The following LAPTM4B variants were observed in gnomAD, a reference collection of about 807,000 sequenced individuals.
LAPTM4B encodes lysosomal protein transmembrane 4 beta, also known as lysosomal-associated transmembrane protein 4B.
LAPTM4B carries 26 observed loss-of-function variants against 28.5 expected under a neutral mutation model. The observed-to-expected ratio is 0.91, with a 90% confidence interval of 0.67 to 1.27. LAPTM4B has a LOEUF of 1.27. LAPTM4B is among the 50% of genes most tolerant of loss of function. The pLI is 0.00. For synonymous variants in LAPTM4B, 109 were observed against 106.4 expected, an observed-to-expected ratio of 1.02 and a Z score of -0.15; for missense variants, 288 against 285.8, an observed-to-expected ratio of 1.01 and a Z score of -0.06.
chr8:97,805,133 G>A (rs973293057), intron 1 of LAPTM4B, among the ~76,000 whole-genome samples: 1 of 152,114 alleles, frequency 6.6e-6, no homozygotes, highest in Non-Finnish European at 1.5e-5. Flanking sequence ...TTCACTCCAA[G>A]CCTTGTGCAC....
intron 1 of LAPTM4B, among the ~76,000 whole-genome samples, chr8:97,786,518 A>G (rs1417327216): frequency 2.6e-5 from 4 of 151,998 alleles, no homozygotes; most frequent in Non-Finnish European, 4.4e-5. Flanking sequence ...CCTGACCAAC[A>G]TAGTGAAACT....
rs889681471 is a variant in LAPTM4B at position 97,840,853 on chromosome 8, C to T, written c.604-10544C>T. ...ATGGTGGGGCGGCCGGGCAGAGGCG[C>T]TCCTCACTTCCCAGACGGTGGGTAG... is the stretch of plus-strand genomic sequence containing the variant. On this transcript the variant is annotated intron_variant, in intron 6 of 6. Transcript: ENST00000521545. Among the ~76,000 whole-genome samples the T allele has an allele frequency of 8.9e-5, 13 of 146,706 alleles. No individual in the cohort carries two copies. In the East Asian group the frequency reaches 1.4e-3, roughly 16 times the overall value.
chr8:97,793,464 G>A (rs535441328), intron 1 of LAPTM4B, among the ~76,000 whole-genome samples: 1 of 152,206 alleles, frequency 6.6e-6, no homozygotes, highest in East Asian at 1.9e-4. Context: ...AATAAAAATT[G>A]TTCTTGGAAT....
rs1816205579 is a variant in LAPTM4B, at chr8:97,776,068, A to C, written c.59A>C (p.His20Pro). 1.3e-6 allele frequency: 2 copies of C among 1,589,094 alleles called. No homozygotes were observed. Among genetic ancestry groups the C allele is most frequent in the Non-Finnish European group, 1.7e-6 (2 of 1,171,896 alleles). Reference protein sequence around the residue: ...FYSNSCCLCCHVRTGTILLGV... With the variant: ...FYSNSCCLCCPVRTGTILLGV... ...TCCAACAGCTGCTGCTTGTGCTGCC[A>C]TGTCCGCACCGGCACCATCCTGCTC... is the stretch of plus-strand genomic sequence containing the variant. The change falls in exon 1 of 7, where the codon CAT becomes CCT. Residue 20 changes from histidine (H) to proline (P), a missense_variant. Coordinates refer to ENST00000521545, the MANE Select transcript of LAPTM4B (RefSeq NM_018407.6).
intron 2 of LAPTM4B, among the ~76,000 whole-genome samples, chr8:97,809,686 C>T (rs1816799278): frequency 6.6e-6 from 1 of 152,078 alleles, no homozygotes. Flanking sequence ...GGTGACAGAG[C>T]CAGACCCTGT....
intron 5 of LAPTM4B, among the ~76,000 whole-genome samples, chr8:97,823,307 T>G (rs1220105735): frequency 6.6e-6 from 1 of 151,940 alleles, no homozygotes; most frequent in Non-Finnish European, 1.5e-5. Context: ...ATGCCTATTC[T>G]GGGCATTCCA....
chr8:97,794,222 C>T (rs780052016), intron 1 of LAPTM4B, among the ~76,000 whole-genome samples: 5 of 152,100 alleles, frequency 3.3e-5, no homozygotes, highest in Non-Finnish European at 4.4e-5. Context: ...TCAGGTGAAC[C>T]GCCCGCCTTG....
At chr8:97,818,599 A>C (rs1268416379) in intron 4 of LAPTM4B, among the ~76,000 whole-genome samples, 2 of 152,198 alleles carry the variant, frequency 1.3e-5, no homozygotes, top group Non-Finnish European at 2.9e-5. Context: ...AGTATAAGAG[A>C]ATATGCTGTC....
intron 6 of LAPTM4B, among the ~76,000 whole-genome samples, chr8:97,843,185 G>A (rs775073474): frequency 6.6e-6 from 1 of 152,170 alleles, no homozygotes; most frequent in Non-Finnish European, 1.5e-5. Flanking sequence ...CCGCCCTTAC[G>A]TAATATCTGA....
Position 97,812,735 on chromosome 8 carries a change from A to C in LAPTM4B, c.212-2593A>C, listed in dbSNP as rs118176123. On this transcript the variant is annotated intron_variant, in intron 2 of 6. Transcript: ENST00000521545. Reference sequence around the variant, plus strand: ...TTTGGACTAGGACTACCACCAACCCAAGACAACCTCAGAGTGGGAGGCACC... The same window carrying C: ...TTTGGACTAGGACTACCACCAACCCCAGACAACCTCAGAGTGGGAGGCACC... Among the ~76,000 whole-genome samples the C allele has an allele frequency of 1.6e-4, 25 of 152,282 alleles. No homozygotes were observed. In the East Asian group the frequency reaches 4.8e-3, roughly 29 times the overall value.
intron 6 of LAPTM4B, among the ~76,000 whole-genome samples, chr8:97,843,489 A>C (rs1469581243): frequency 6.6e-6 from 1 of 152,110 alleles, no homozygotes; most frequent in Non-Finnish European, 1.5e-5. Flanking sequence ...TAAATAAATC[A>C]TTTGCTGGCC....
At position 97,825,701 on chromosome 8, in the gene LAPTM4B, A is replaced by T. The variant is rs1203264169; in HGVS notation, c.603+548A>T. Reference sequence around the variant, plus strand: ...CCTGTCATAAAAGATTTTTGAAAACATGTCTTCACTGGAAGAGTCCATGAA... The same window carrying T: ...CCTGTCATAAAAGATTTTTGAAAACTTGTCTTCACTGGAAGAGTCCATGAA... On this transcript the variant is annotated intron_variant, in intron 6 of 6. Coordinates refer to ENST00000521545, the MANE Select transcript of LAPTM4B (RefSeq NM_018407.6). Among the ~76,000 whole-genome samples, 8 of 152,356 alleles carry T rather than the reference A, an allele frequency of 5.3e-5. No individual in the cohort carries two copies. In the South Asian group the frequency reaches 1.7e-3, roughly 32 times the overall value.
At chr8:97,779,506 G>A (rs1207656121) in intron 1 of LAPTM4B, among the ~76,000 whole-genome samples, 1 of 151,766 alleles carries the variant, frequency 6.6e-6, no homozygotes, top group Non-Finnish European at 1.5e-5. Flanking sequence ...AAAAGAGAAA[G>A]AGGCCTGGTG....
intron 3 of LAPTM4B, 152 bp downstream of exon 3, chr8:97,815,553 A>G (rs1816898330): frequency 1.5e-6 from 1 of 648,020 alleles, no homozygotes; most frequent in South Asian, 2.2e-5. Context: ...TAGGAAAACC[A>G]ATATTATACT....
intron 5 of LAPTM4B, among the ~76,000 whole-genome samples, chr8:97,821,335 T>C (rs1161911891): frequency 1.4e-5 from 2 of 143,608 alleles, no homozygotes; most frequent in Non-Finnish European, 3.1e-5. Context: ...CAAAAAAAAA[T>C]AGTGAAATGT....
chr8:97,776,551 G>A (rs1000128328), intron 1 of LAPTM4B, among the ~76,000 whole-genome samples: 3 of 152,252 alleles, frequency 2.0e-5, no homozygotes, highest in African/African-American at 7.2e-5. Flanking sequence ...TTGCAGCTCT[G>A]TGGTTAGGGT....
chr8:97,794,156 T>C (rs1816545818), intron 1 of LAPTM4B, among the ~76,000 whole-genome samples: 1 of 152,048 alleles, frequency 6.6e-6, no homozygotes, highest in South Asian at 2.1e-4. Context: ...ATTTTTGTAT[T>C]TTTAGTAGAG....
intron 1 of LAPTM4B, among the ~76,000 whole-genome samples, chr8:97,786,194 G>A (rs1484152870): frequency 1.3e-5 from 2 of 152,170 alleles, no homozygotes; most frequent in South Asian, 2.1e-4. Context: ...GAGAGTTGTT[G>A]AGTTATTGGT....
At chr8:97,830,468 G>A (rs181456587) in intron 6 of LAPTM4B, among the ~76,000 whole-genome samples, 2 of 152,290 alleles carry the variant, frequency 1.3e-5, no homozygotes, top group Non-Finnish European at 1.5e-5. Flanking sequence ...TTTAGAAGTA[G>A]GCAAGAATGG....
Sources: gnomAD v4.1 joint callset for allele counts (sites outside exome capture counted in the v4.1 genomes callset) on GRCh38, gnomAD v4.1.1 for gene constraint, MANE v1.5 for transcripts, NCBI Gene and HGNC (gene_info 2026-07-23, HGNC 2026-07-21) for gene names.